Variants in CHCHD6 observed in about 807,000 individuals in gnomAD.
CHCHD6 encodes coiled-coil-helix-coiled-coil-helix domain containing 6, also known as MICOS complex subunit MIC25.
A neutral mutation model predicts 32.3 loss-of-function variants in CHCHD6; 28 were observed. That is an observed-to-expected ratio of 0.87 (90% CI 0.64 to 1.19). The LOEUF is 1.19. Ranked by LOEUF, CHCHD6 falls within the 50% of genes most tolerant of loss-of-function variation. The pLI, the probability that CHCHD6 is intolerant of heterozygous loss-of-function variation, is 0.00. For synonymous variants in CHCHD6, 122 were observed against 117.5 expected (o/e 1.04, Z -0.25); for missense variants, 333 against 307.0 (o/e 1.08, Z -0.63).
At chr3:126,717,221 C>T (rs1220343341) in intron 1 of CHCHD6, among the ~76,000 whole-genome samples, 1 of 152,102 alleles carries the variant, frequency 6.6e-6, no homozygotes, top group Non-Finnish European at 1.5e-5. Flanking sequence ...GTGGTCTGTG[C>T]ACAGTGAGTG....
intron 4 of CHCHD6, among the ~76,000 whole-genome samples, chr3:126,824,696 C>T (rs1940314188): frequency 6.6e-6 from 1 of 151,674 alleles, no homozygotes; most frequent in South Asian, 2.1e-4. Context: ...AATTGATTCT[C>T]CTGCCTCAGC....
intron 6 of CHCHD6, among the ~76,000 whole-genome samples, chr3:126,939,232 G>A (rs1446072587): frequency 1.3e-5 from 2 of 152,138 alleles, no homozygotes; most frequent in Non-Finnish European, 2.9e-5. Flanking sequence ...AGGGTTTTGA[G>A]TGCCAGGGGT....
Position 126,852,646 on chromosome 3 carries a change from G to A in CHCHD6, c.412-1G>A. 6.2e-7 allele frequency: 1 copy of A among 1,613,240 alleles called. No individual in the cohort carries two copies. The highest frequency in any genetic ancestry group is 8.5e-7 in the Non-Finnish European group (1 of 1,179,252). On this transcript the variant is annotated splice_acceptor_variant, in intron 4 of 7. Coordinates refer to ENST00000290913, the MANE Select transcript of CHCHD6 (RefSeq NM_032343.3). LOFTEE classifies it high-confidence loss of function. ...CGTGGGCTTTGTTCTCTTCCAAGCA[G>A]GCCAGGGAGCTGGAGAGCAGAGAGG...
intron 5 of CHCHD6, among the ~76,000 whole-genome samples, chr3:126,883,945 A>G (rs985927275): frequency 6.6e-6 from 1 of 152,126 alleles, no homozygotes; most frequent in Non-Finnish European, 1.5e-5. Flanking sequence ...TGGAGAGCAA[A>G]TATTCACTGA....
intron 5 of CHCHD6, among the ~76,000 whole-genome samples, chr3:126,854,211 C>T (rs535294011): frequency 6.6e-6 from 1 of 152,298 alleles, no homozygotes; most frequent in African/African-American, 2.4e-5. Flanking sequence ...TAAGTGAAGT[C>T]CAAACTCCTT....
rs544360247 is a variant in CHCHD6, at chr3:126,886,175, G to C, written c.496-28505G>C. Among the ~76,000 whole-genome samples, 8 of 152,362 alleles carry C rather than the reference G, an allele frequency of 5.3e-5. No individual in the cohort carries two copies. In the East Asian group the frequency reaches 1.5e-3, roughly 29 times the overall value. ...CATTACCAAGGCCCATTCTGTTTTAGAGATAGAAGCTCCTTTAATAACAAA... is the reference window on the plus strand; with the variant it reads ...CATTACCAAGGCCCATTCTGTTTTACAGATAGAAGCTCCTTTAATAACAAA... On this transcript the variant is annotated intron_variant, in intron 5 of 7. Transcript: ENST00000290913.
chr3:126,951,105 C>A (rs889665081), intron 6 of CHCHD6, among the ~76,000 whole-genome samples: 15 of 152,136 alleles, frequency 9.9e-5, no homozygotes, highest in Non-Finnish European at 2.1e-4. Flanking sequence ...GTGGTTCCCC[C>A]GGGCTGTTCT....
intron 4 of CHCHD6, among the ~76,000 whole-genome samples, chr3:126,816,878 A>T (rs1219667369): frequency 6.6e-6 from 1 of 151,854 alleles, no homozygotes; most frequent in Non-Finnish European, 1.5e-5. Flanking sequence ...CCACCCCACG[A>T]CAGGCCCTGG....
chr3:126,722,593 A>G (rs1409325196), intron 1 of CHCHD6, among the ~76,000 whole-genome samples: 2 of 152,158 alleles, frequency 1.3e-5, no homozygotes, highest in African/African-American at 4.8e-5. Flanking sequence ...GACCATTTGT[A>G]TATCTTCTTT....
intron 4 of CHCHD6, among the ~76,000 whole-genome samples, chr3:126,831,830 G>C (rs1023953240): frequency 6.6e-6 from 1 of 152,198 alleles, no homozygotes; most frequent in African/African-American, 2.4e-5. Context: ...TTGGTTTAAT[G>C]TCCAGATGAG....
chr3:126,944,042 A>C (rs1319178503), intron 6 of CHCHD6, among the ~76,000 whole-genome samples: 20 of 152,280 alleles, frequency 1.3e-4, no homozygotes. Context: ...TGACTCTTAG[A>C]TATAATGCCA....
chr3:126,955,863 C>T (rs2078776513), intron 6 of CHCHD6, among the ~76,000 whole-genome samples: 1 of 152,154 alleles, frequency 6.6e-6, no homozygotes, highest in Non-Finnish European at 1.5e-5. Flanking sequence ...TCCCTGCTCC[C>T]TTTGACCTCT....
intron 6 of CHCHD6, among the ~76,000 whole-genome samples, chr3:126,943,394 C>G (rs796672563): frequency 6.6e-6 from 1 of 152,150 alleles, no homozygotes; most frequent in Non-Finnish European, 1.5e-5. Context: ...TGTCCACTTT[C>G]CCTCTGCCTC....
chr3:126,819,281 G>A (rs536265736), intron 4 of CHCHD6, among the ~76,000 whole-genome samples: 5 of 152,284 alleles, frequency 3.3e-5, no homozygotes, highest in Non-Finnish European at 2.9e-5. Flanking sequence ...TGTTCTCTGA[G>A]CCCATCAATC....
At chr3:126,919,301 A>G (rs1010132763) in intron 6 of CHCHD6, among the ~76,000 whole-genome samples, 13 of 116,798 alleles carry the variant, frequency 1.1e-4, no homozygotes, top group Middle Eastern at 4.6e-3. Flanking sequence ...TTTTTCTACT[A>G]TTTCTTTTCT....
chr3:126,789,325 A>C (rs1486998145), intron 4 of CHCHD6, among the ~76,000 whole-genome samples: 2 of 152,140 alleles, frequency 1.3e-5, no homozygotes, highest in South Asian at 2.1e-4. Flanking sequence ...AGTTCTGTAG[A>C]TGTCTATTAG....
At chr3:126,941,254 A>G (rs1231386527) in intron 6 of CHCHD6, among the ~76,000 whole-genome samples, 2 of 152,184 alleles carry the variant, frequency 1.3e-5, no homozygotes, top group Non-Finnish European at 2.9e-5. Flanking sequence ...ATTTTTTCCA[A>G]ACAAAATATC....
chr3:126,928,022 T>TG (rs2107597102), intron 6 of CHCHD6, among the ~76,000 whole-genome samples: 1 of 152,326 alleles, frequency 6.6e-6, no homozygotes, highest in Non-Finnish European at 1.5e-5. Context: ...GACACTGCCC[T>TG]GGGGGCAGGG....
chr3:126,889,028 C>T (rs1455188649), intron 5 of CHCHD6, among the ~76,000 whole-genome samples: 1 of 152,188 alleles, frequency 6.6e-6, no homozygotes, highest in Non-Finnish European at 1.5e-5. Flanking sequence ...TGCTAGGAGC[C>T]TCAGGAGAGT....
Sources: gnomAD v4.1 joint callset for allele counts (sites outside exome capture counted in the v4.1 genomes callset) on GRCh38, gnomAD v4.1.1 for gene constraint, MANE v1.5 for transcripts, NCBI Gene and HGNC (gene_info 2026-07-23, HGNC 2026-07-21) for gene names.